UBE3B: variants seen among roughly 807,000 people sequenced by gnomAD.
The protein encoded by UBE3B is ubiquitin protein ligase E3B.
A neutral mutation model predicts 132.3 loss-of-function variants in UBE3B; 80 were observed. The observed-to-expected ratio is 0.60, with a 90% CI of 0.50 to 0.73. The LOEUF (loss-of-function observed/expected upper bound fraction) is 0.73, where lower values mean the gene tolerates loss of function less well. Among genes scored for constraint, UBE3B ranks in the 30% least tolerant of loss-of-function variants. The probability of loss-of-function intolerance (pLI) is 0.00; values close to 1 mark genes in which losing one functional copy is unlikely to be tolerated. For missense variants in UBE3B, 1,196 were observed against 1,362.5 expected, an observed-to-expected ratio of 0.88 and a Z score of 1.92; for synonymous variants, 487 against 520.4, an observed-to-expected ratio of 0.94 and a Z score of 0.87.
chr12:109,539,364 C>T (rs1465592513), downstream of UBE3B, among the ~76,000 whole-genome samples: 2 of 152,366 alleles, frequency 1.3e-5, no homozygotes, highest in East Asian at 1.9e-4. Context: ...CTGACTGTTA[C>T]ACTTGTTGAG....
intron 22 of UBE3B, 114 bp from the exon 23 acceptor site, chr12:109,524,324 G>A: frequency 7.0e-7 from 1 of 1,436,284 alleles, no homozygotes; most frequent in Non-Finnish European, 9.7e-7. Context: ...GCGTCAAGCT[G>A]TTCAGCAGCC....
At chr12:109,523,007 G>A (rs1881888285) in intron 21 of UBE3B, among the ~76,000 whole-genome samples, 1 of 152,200 alleles carries the variant, frequency 6.6e-6, no homozygotes, top group Non-Finnish European at 1.5e-5. Context: ...TTCTCTGAAT[G>A]TCATGCCATT....
Position 109,524,495 on chromosome 12 carries a change from A to G in UBE3B, c.2560A>G (p.Met854Val), listed in dbSNP as rs1203562213. 1.9e-6 allele frequency: 3 copies of G among 1,614,142 alleles called. No individual in the cohort carries two copies. Among genetic ancestry groups the G allele is most frequent in the Non-Finnish European group, 2.5e-6 (3 of 1,179,990 alleles). ...GACGCTGTCTTACGACGAGGACGTCATGGGTCAGGTAGGTCCGCCCTTTGG... is the reference window on the plus strand; with the variant it reads ...GACGCTGTCTTACGACGAGGACGTCGTGGGTCAGGTAGGTCCGCCCTTTGG... ...GLTLSYDEDV[M>V]GQLVCHELIP... Residue 854 changes from methionine to valine, a missense_variant, in exon 23 of 28, where the codon ATG (methionine) becomes GTG (valine). Coordinates refer to ENST00000342494, the MANE Select transcript of UBE3B (RefSeq NM_130466.4).
chr12:109,502,985 TG>T, intron 13 of UBE3B, 37 bp from the exon 14 acceptor site: 1 of 1,613,424 alleles, frequency 6.2e-7, no homozygotes. Context: ...GGCAGCTGGC[TG>T]AGCTGCTGCT....
chr12:109,515,690 T>C (rs1009341004), intron 18 of UBE3B, among the ~76,000 whole-genome samples: 1 of 152,206 alleles, frequency 6.6e-6, no homozygotes, highest in Non-Finnish European at 1.5e-5. Context: ...TATTTGTATT[T>C]AATAAAGTTC....
the UBE3B span, among the ~76,000 whole-genome samples, chr12:109,547,671 C>T: frequency 0.016 from 2,413 of 152,272 alleles, 75 homozygotes; most frequent in Admixed American, 0.07. This position sits in a 1 kb window ranked among gnomAD's most constrained non-coding sequence, Gnocchi z 4.1. Flanking sequence ...CAACCCACAG[C>T]GAAACCACGT....
At position 109,490,150 on chromosome 12, in the gene UBE3B, C is replaced by T. The variant is rs74719685; in HGVS notation, c.630+146C>T. ...CTTGATGCCTGCTGTCCTCTTCTTC[C>T]TTCCCCTGCCTTGTCTCACTTGTGG... On this transcript the variant is annotated intron_variant, in intron 8 of 27. Transcript: ENST00000342494. 4,619 of 902,656 alleles carry T rather than the reference C, an allele frequency of 5.1e-3. 145 individuals carry two copies. In the African/African-American group the frequency reaches 0.066, roughly 13 times the overall value. The allele number at this position is 902,656 out of a possible 1,614,324, so 55.9% of individuals were successfully genotyped here.
chr12:109,530,084 G>T lies in UBE3B; in HGVS notation c.2810+12G>T, dbSNP rs750907029. ...CTGGAAGATTTAAAGTAAGAGGCGG[G>T]TGGGGGGAAGGGTGAAATTCCTTGG... On this transcript the variant is annotated intron_variant, in intron 25 of 27. Coordinates refer to ENST00000342494, the MANE Select transcript of UBE3B (RefSeq NM_130466.4). The T allele has an allele frequency of 4.3e-6, 7 of 1,611,944 alleles. No individual in the cohort carries two copies. Among genetic ancestry groups the T allele is most frequent in the Non-Finnish European group, 5.9e-6 (7 of 1,178,492 alleles).
chr12:109,488,628 C>G lies in UBE3B; in HGVS notation c.504C>G (p.Thr168=). The G allele has an allele frequency of 1.2e-6, 2 of 1,614,190 alleles. No individual in the cohort carries two copies. The highest frequency in any genetic ancestry group is 1.7e-6 in the Non-Finnish European group (2 of 1,180,018). Reference sequence around the variant, plus strand: ...CCCTGTACCTCACGATGCTTGTCACCTTCACAGACACTTCAACGTGGAAAA... The same window carrying G: ...CCCTGTACCTCACGATGCTTGTCACGTTCACAGACACTTCAACGTGGAAAA... ...LITLYLTMLV[T]FTDTSTWKIL... The change falls in exon 7 of 28, where the codon ACC becomes ACG. Residue 168 remains threonine (T), a synonymous_variant. Transcript: ENST00000342494.
At chr12:109,495,567 G>A (rs2135883105) in intron 9 of UBE3B, among the ~76,000 whole-genome samples, 1 of 152,342 alleles carries the variant, frequency 6.6e-6, no homozygotes, top group Non-Finnish European at 1.5e-5. Context: ...GAGGTGTGGA[G>A]TAGGAAATCA....
rs552288847 is a variant in UBE3B at position 109,482,480 on chromosome 12, C to A, written c.-22+738C>A. On this transcript the variant is annotated intron_variant, in intron 2 of 27. Coordinates refer to ENST00000342494, the MANE Select transcript of UBE3B (RefSeq NM_130466.4). ...CACTTAGGATAGATGGCCCCTAGTT[C>A]TAGCCATCCGACTTTTTACTCTGGA... Among the ~76,000 whole-genome samples the A allele has an allele frequency of 2.0e-4, 30 of 152,266 alleles. No homozygotes were observed. The South Asian group carries it at 5.8e-3, about 29-fold the overall frequency.
intron 18 of UBE3B, among the ~76,000 whole-genome samples, chr12:109,513,953 G>C (rs1361660425): frequency 1.3e-5 from 2 of 152,142 alleles, no homozygotes; most frequent in African/African-American, 4.8e-5. Context: ...ATTCTTGCTG[G>C]AGTACACAGG....
intron 18 of UBE3B, among the ~76,000 whole-genome samples, chr12:109,514,431 T>C (rs906353988): frequency 3.3e-5 from 5 of 152,182 alleles, no homozygotes; most frequent in African/African-American, 1.2e-4. Context: ...CAGACTTTCT[T>C]CCATGCCCCA....
At chr12:109,514,065 C>G (rs1281549960) in intron 18 of UBE3B, among the ~76,000 whole-genome samples, 1 of 152,228 alleles carries the variant, frequency 6.6e-6, no homozygotes, top group Non-Finnish European at 1.5e-5. Context: ...TTCTTGTTTT[C>G]CTTAACATTT....
Position 109,521,697 on chromosome 12 carries a change from G to T in UBE3B, c.2364+146G>T. The T allele has an allele frequency of 1.5e-6, 1 of 664,622 alleles. No individual in the cohort carries two copies. The highest frequency in any genetic ancestry group is 2.4e-6 in the Non-Finnish European group (1 of 418,186). The allele number at this position is 664,622 out of a possible 1,614,324, so 41.2% of individuals were successfully genotyped here. Reference sequence around the variant, plus strand: ...ACAGGGGCAGGAACCAAGGTTTGTTGTACACCAGTGCTAGGTACTTTGCCT... The same window carrying T: ...ACAGGGGCAGGAACCAAGGTTTGTTTTACACCAGTGCTAGGTACTTTGCCT... On this transcript the variant is annotated intron_variant, in intron 21 of 27. Coordinates refer to ENST00000342494, the MANE Select transcript of UBE3B (RefSeq NM_130466.4). This position sits in a 1 kb window ranked among gnomAD's most constrained non-coding sequence, Gnocchi z 4.2.
intron 9 of UBE3B, chr12:109,491,842 G>T (rs1877507695): frequency 6.6e-6 from 1 of 152,242 alleles, no homozygotes; most frequent in Non-Finnish European, 1.5e-5. Flanking sequence ...GCTCTGAGAA[G>T]TGCTGCTATG....
intron 14 of UBE3B, among the ~76,000 whole-genome samples, chr12:109,503,832 G>A (rs968408352): frequency 2.6e-5 from 4 of 152,340 alleles, no homozygotes; most frequent in South Asian, 2.1e-4. Context: ...TTTGTAAACC[G>A]TGGAAGCCTT....
chr12:109,492,045 A>G (rs551630142), intron 9 of UBE3B: 25 of 152,150 alleles, frequency 1.6e-4, no homozygotes, highest in African/African-American at 5.3e-4. Context: ...AAATATTTCA[A>G]CTCTATGGGC....
chr12:109,541,256 G>A (rs1473578823), downstream of UBE3B, among the ~76,000 whole-genome samples: 3 of 152,216 alleles, frequency 2.0e-5, no homozygotes, highest in Non-Finnish European at 2.9e-5. Flanking sequence ...TAAAGAGGCC[G>A]CAGAAGACCA....
Sources: allele counts gnomAD v4.1 joint callset (sites outside exome capture counted in the v4.1 genomes callset), GRCh38; gene constraint gnomAD v4.1.1; non-coding constraint Gnocchi (gnomAD v3.1); transcripts MANE v1.5; gene names NCBI Gene and HGNC (gene_info 2026-07-23, HGNC 2026-07-21).